CKMT1A: variants seen among roughly 807,000 people sequenced by gnomAD.
The protein encoded by CKMT1A is creatine kinase, mitochondrial 1A, also known as creatine kinase U-type, mitochondrial.
Under a neutral mutation model 21.8 loss-of-function variants are expected in CKMT1A, and 23 were observed. That is an observed-to-expected ratio of 1.05 (90% confidence interval 0.76 to 1.49). CKMT1A has a LOEUF of 1.49. Ranked by LOEUF, CKMT1A falls within the 40% of genes most tolerant of loss-of-function variation. CKMT1A has a pLI of 0.00. For synonymous variants in CKMT1A, 67 were observed against 80.4 expected (o/e 0.83, Z 0.89); for missense variants, 154 against 229.4 (o/e 0.67, Z 2.12).
intron 7 of CKMT1A, 127 bp downstream of exon 7, chr15:43,698,275 A>G (rs2086480789): frequency 7.1e-7 from 1 of 1,402,062 alleles, no homozygotes; most frequent in African/African-American, 1.4e-5. Flanking sequence ...CAGGCCAGGC[A>G]CAGTGGCTCA....
intron 7 of CKMT1A, 121 bp downstream of exon 7, chr15:43,698,269 C>A: frequency 2.1e-6 from 3 of 1,448,808 alleles, no homozygotes; most frequent in Non-Finnish European, 2.8e-6. Flanking sequence ...AGAGGACAGG[C>A]CAGGCACAGT....
chr15:43,698,324 G>C (rs1184179848), intron 7 of CKMT1A, among the ~76,000 whole-genome samples, 176 bp downstream of exon 7: 1 of 151,876 alleles, frequency 6.6e-6, no homozygotes, highest in Non-Finnish European at 1.5e-5. Flanking sequence ...AAGGCAGGCA[G>C]ATCATTTGAG....
Position 43,699,183 on chromosome 15 carries a change from C to G in CKMT1A, c.*94C>G. On this transcript the variant is annotated 3_prime_UTR_variant, in exon 9 of 9. Transcript: ENST00000413453. ...CTTGCTCTGGACCTGCCCTCGCATCCCCTGCCTCCATCCTAGTAAAGACTC... is the reference window on the plus strand; with the variant it reads ...CTTGCTCTGGACCTGCCCTCGCATCGCCTGCCTCCATCCTAGTAAAGACTC... 6.3e-7 allele frequency: 1 copy of G among 1,597,792 alleles called. No individual in the cohort carries two copies. The highest frequency in any genetic ancestry group is 8.6e-7 in the Non-Finnish European group (1 of 1,169,330).
Position 43,695,811 on chromosome 15 carries a change from G to A in CKMT1A, c.568G>A (p.Val190Ile). The change falls in exon 4 of 9, where the codon GTT becomes ATT. Residue 190 changes from valine to isoleucine, a missense_variant. Coordinates refer to ENST00000413453, the MANE Select transcript of CKMT1A (RefSeq NM_001321926.2). ...TRAERREVER[V>I]VVDALSGLKG... ...AGCAGAGCGACGAGAGGTGGAACGT[G>A]TTGTGGTGGATGCACTGAGTGGCCT... 6.2e-6 allele frequency: 1 copy of A among 162,116 alleles called. No homozygotes were observed. Among genetic ancestry groups the A allele is most frequent in the Non-Finnish European group, 1.1e-5 (1 of 94,360 alleles). 10.0% of individuals were successfully genotyped at this position (162,116 alleles called of 1,614,324 possible).
chr15:43,698,216 G>A (rs886833167), intron 7 of CKMT1A, 68 bp downstream of exon 7: 41 of 1,603,306 alleles, frequency 2.6e-5, no homozygotes, highest in Non-Finnish European at 3.4e-5. Context: ...GGGAGGGAGT[G>A]GACCCTTTGG....
intron 6 of CKMT1A, chr15:43,697,170 G>A (rs1403760365): frequency 3.1e-5 from 35 of 1,135,656 alleles, no homozygotes; most frequent in Non-Finnish European, 3.7e-5. Context: ...CTGTAAAATT[G>A]GGATAATGAG....
At chr15:43,698,931 T>A (rs2086497694) in intron 8 of CKMT1A, 42 bp from the exon 9 acceptor site, 1 of 1,611,674 alleles carries the variant, frequency 6.2e-7, no homozygotes, top group African/African-American at 1.3e-5. Context: ...AAAGAAAAAC[T>A]CAGACTGTAG....
intron 6 of CKMT1A, chr15:43,697,244 G>A: frequency 8.2e-7 from 1 of 1,219,010 alleles, no homozygotes; most frequent in South Asian, 1.5e-5. Context: ...TTGGTCCACA[G>A]TAAGTGCTTA....
intron 6 of CKMT1A, 140 bp from the exon 7 acceptor site, chr15:43,697,874 A>G (rs1216733600): frequency 1.1e-5 from 16 of 1,488,384 alleles, no homozygotes; most frequent in Non-Finnish European, 9.0e-6. Flanking sequence ...TTTCATTTAA[A>G]AAAAGACCAA....
Position 43,699,157 on chromosome 15 carries a change from A to G in CKMT1A, c.*68A>G. 1 of 1,612,364 alleles carries G rather than the reference A, an allele frequency of 6.2e-7. No individual in the cohort carries two copies. The highest frequency in any genetic ancestry group is 8.5e-7 in the Non-Finnish European group (1 of 1,179,210). ...GCTCATTCTAATGATGGCCCATTCT[A>G]CTTGCTCTGGACCTGCCCTCGCATC... is the stretch of plus-strand genomic sequence containing the variant. On this transcript the variant is annotated 3_prime_UTR_variant, in exon 9 of 9. Transcript: ENST00000413453.
intron 7 of CKMT1A, 83 bp downstream of exon 7, chr15:43,698,231 G>A: frequency 1.2e-6 from 2 of 1,600,390 alleles, no homozygotes; most frequent in East Asian, 2.2e-5. Context: ...CTTTGGAGAG[G>A]AGCCAAACAT....
chr15:43,699,215 A>G lies in CKMT1A; in HGVS notation c.*126A>G. The G allele has an allele frequency of 7.0e-7, 1 of 1,422,026 alleles. No individual in the cohort carries two copies. The highest frequency in any genetic ancestry group is 2.3e-5 in the East Asian group (1 of 43,690). 88.1% of individuals were successfully genotyped at this position (1,422,026 alleles called of 1,614,324 possible). A position where few individuals can be genotyped will look rare whatever the true frequency, so the allele number is the denominator to read the frequency against. On this transcript the variant is annotated 3_prime_UTR_variant, in exon 9 of 9. Coordinates refer to ENST00000413453, the MANE Select transcript of CKMT1A (RefSeq NM_001321926.2). The stretch of plus-strand genomic sequence containing the variant: ...TCCATCCTAGTAAAGACTCCTTGCT[A>G]TGCTGCAGCTGTCTGTGTTACTTCT...
intron 7 of CKMT1A, 49 bp downstream of exon 7, chr15:43,698,197 T>C: frequency 6.2e-7 from 1 of 1,602,846 alleles, no homozygotes; most frequent in Non-Finnish European, 8.5e-7. Context: ...GAAGGGTGGG[T>C]TGTGGATGGG....
Position 43,698,901 on chromosome 15 carries a change from C to T in CKMT1A, c.1138-72C>T, listed in dbSNP as rs1019206495. The T allele has an allele frequency of 1.3e-4, 212 of 1,601,598 alleles. 2 individuals carry two copies. Among genetic ancestry groups the T allele is most frequent in the Non-Finnish European group, 1.7e-4 (197 of 1,170,632 alleles). Reference sequence around the variant, plus strand: ...GAGTGGGGAGGCAATTGGAAATGAGCAGGCAAGTCAGTCAGTGATAAAGAA... The same window carrying T: ...GAGTGGGGAGGCAATTGGAAATGAGTAGGCAAGTCAGTCAGTGATAAAGAA... On this transcript the variant is annotated intron_variant, in intron 8 of 8. Coordinates refer to ENST00000413453, the MANE Select transcript of CKMT1A (RefSeq NM_001321926.2).
rs367945992 is a variant in CKMT1A, at chr15:43,698,851, C to G, written c.1137+85C>G. 7.0e-4 allele frequency: 1,119 copies of G among 1,604,356 alleles called. 5 individuals are homozygous for G. Among genetic ancestry groups the G allele is most frequent in the East Asian group, 1.9e-3 (85 of 44,776 alleles). ...CAGTGAGTGAGCCTCCGGGATGTAA[C>G]ATAATCTGAAATGAAATTCAGGTTG... On this transcript the variant is annotated intron_variant, in intron 8 of 8. Coordinates refer to ENST00000413453, the MANE Select transcript of CKMT1A (RefSeq NM_001321926.2).
At chr15:43,698,526 A>T in intron 7 of CKMT1A, 115 bp from the exon 8 acceptor site, 1 of 1,438,006 alleles carries the variant, frequency 7.0e-7, no homozygotes, top group Non-Finnish European at 9.3e-7. Context: ...AAAAAAAAGA[A>T]AAAAGGAAAA....
chr15:43,697,747 C>T (rs2086470982), intron 6 of CKMT1A: 1 of 984,694 alleles, frequency 1.0e-6, no homozygotes, highest in African/African-American at 1.7e-5. Flanking sequence ...CCTAGATCAT[C>T]CTTAATACAC....
intron 6 of CKMT1A, 45 bp downstream of exon 6, chr15:43,696,408 A>G (rs768350765): frequency 3.1e-6 from 5 of 1,609,910 alleles, no homozygotes; most frequent in Middle Eastern, 1.6e-4. Flanking sequence ...GGACATAAGG[A>G]AAACCAAAGA....
intron 6 of CKMT1A, chr15:43,696,630 AG>A (rs2086451113): frequency 1.8e-6 from 1 of 558,760 alleles, no homozygotes; most frequent in African/African-American, 1.9e-5. Context: ...GGAATAACTG[AG>A]ATGGCACGTC....
Sources: gnomAD v4.1 joint callset for allele counts (sites outside exome capture counted in the v4.1 genomes callset) on GRCh38, gnomAD v4.1.1 for gene constraint, MANE v1.5 for transcripts, NCBI Gene and HGNC (gene_info 2026-07-23, HGNC 2026-07-21) for gene names.